BICD1: variants seen among roughly 807,000 people sequenced by gnomAD.
BICD1 encodes BICD cargo adaptor 1.
A neutral mutation model predicts 92.5 loss-of-function variants in BICD1; 35 were observed. The observed-to-expected ratio is 0.38, with a 90% confidence interval of 0.29 to 0.50. The LOEUF is 0.50. BICD1 is among the 20% of genes least tolerant of loss of function. The pLI is 0.93. For missense variants in BICD1, 950 were observed against 1,189.8 expected, an observed-to-expected ratio of 0.80 and a Z score of 2.97; for synonymous variants, 429 against 465.1, an observed-to-expected ratio of 0.92 and a Z score of 1.00.
intron 4 of BICD1, among the ~76,000 whole-genome samples, chr12:32,322,597 G>C (rs563853089): frequency 8.1e-4 from 124 of 152,324 alleles, no homozygotes; most frequent in Non-Finnish European, 1.5e-3. Flanking sequence ...GCCACAAACT[G>C]GTACTGGTCA....
chr12:32,246,198 A>T (rs972292339), intron 2 of BICD1, among the ~76,000 whole-genome samples: 3 of 150,782 alleles, frequency 2.0e-5, no homozygotes, highest in Non-Finnish European at 4.4e-5. Flanking sequence ...AATTATAGCC[A>T]GGTCCAGTGG....
In BICD1 at chr12:32,337,740, A is replaced by ATAGACAC; in HGVS notation, c.2496_2502dup (p.Tyr835ArgfsTer7). 1 of 1,614,180 alleles carries ATAGACAC rather than the reference A, an allele frequency of 6.2e-7. No individual in the cohort carries two copies. Among genetic ancestry groups the ATAGACAC allele is most frequent in the Non-Finnish European group, 8.5e-7 (1 of 1,180,032 alleles). Reference sequence around the variant, plus strand: ...GGAGGCATCAGTCACCGTGCCCACCATAGACACTTACCTCCTGCATAGTCA... The same window carrying ATAGACAC: ...GGAGGCATCAGTCACCGTGCCCACCATAGACACTAGACACTTACCTCCTGCATAGTCA... On this transcript the variant is annotated frameshift_variant, in exon 7 of 10. Transcript: ENST00000652176. LOFTEE classifies it high-confidence loss of function. The surrounding 1 kb of genome is among the most constrained non-coding windows in gnomAD (Gnocchi z 4.7).
chr12:32,357,011 G>GGT (rs1939139195), intron 8 of BICD1, among the ~76,000 whole-genome samples: 1 of 109,408 alleles, frequency 9.1e-6, no homozygotes, highest in Non-Finnish European at 2.0e-5. Flanking sequence ...AGATTCTCCT[G>GGT]CTTTTTTTTT....
chr12:32,118,102 G>A (rs1011193014), intron 1 of BICD1, among the ~76,000 whole-genome samples: 89 of 54,064 alleles, frequency 1.6e-3, no homozygotes, highest in Admixed American at 6.8e-3. Context: ...TTTTTTTTGA[G>A]ATGGAGTCTC....
chr12:32,344,313 A>C (rs1938488469), intron 8 of BICD1, among the ~76,000 whole-genome samples: 1 of 152,210 alleles, frequency 6.6e-6, no homozygotes, highest in Admixed American at 6.5e-5. Context: ...GCTCAGCACT[A>C]CAACCTGGTG....
At chr12:32,254,826 A>G (rs546419645) in intron 2 of BICD1, among the ~76,000 whole-genome samples, 2 of 152,240 alleles carry the variant, frequency 1.3e-5, no homozygotes, top group South Asian at 2.1e-4. Context: ...TTCCTTTACT[A>G]TTCTCCTTGT....
At chr12:32,131,156 A>T (rs1942532667) in intron 1 of BICD1, among the ~76,000 whole-genome samples, 3 of 152,164 alleles carry the variant, frequency 2.0e-5, no homozygotes, top group Non-Finnish European at 4.4e-5. Flanking sequence ...TTTAAATAAA[A>T]TCATATTTTA....
chr12:32,171,704 C>T (rs1277864758), intron 1 of BICD1, among the ~76,000 whole-genome samples: 4 of 152,030 alleles, frequency 2.6e-5, no homozygotes, highest in South Asian at 2.1e-4. Flanking sequence ...GAGGCCGAGG[C>T]GGATGGATCA....
intron 2 of BICD1, among the ~76,000 whole-genome samples, chr12:32,248,703 G>C (rs1164888744): frequency 2.0e-5 from 3 of 152,162 alleles, no homozygotes; most frequent in East Asian, 3.9e-4. Context: ...AGCTCAGCTA[G>C]GTTCAGGTTC....
rs1937661831 is a variant in BICD1, at chr12:32,328,448, A to G, written c.1993A>G (p.Lys665Glu). Reference sequence around the variant, plus strand: ...TCGGGAGCTAGCCCCCATGATTGATAAAGACAAGGAAGCCTTAATGGAAGA... The same window carrying G: ...TCGGGAGCTAGCCCCCATGATTGATGAAGACAAGGAAGCCTTAATGGAAGA... ...AARELAPMID[K>E]DKEALMEEIL... Residue 665 changes from lysine to glutamate, a missense_variant, in exon 5 of 10, where the codon AAA becomes GAA. This residue lies in a region of BICD1 where 309 missense variants were observed against 499.4 expected (regional missense o/e 0.62). Transcript: ENST00000652176. The surrounding 1 kb of genome is among the most constrained non-coding windows in gnomAD (Gnocchi z 4.4). 1 of 1,614,076 alleles carries G rather than the reference A, an allele frequency of 6.2e-7. No individual in the cohort carries two copies. The highest frequency in any genetic ancestry group is 8.5e-7 in the Non-Finnish European group (1 of 1,180,038).
Position 32,372,798 on chromosome 12 carries a change from G to C in BICD1, c.2841-4742G>C, listed in dbSNP as rs61927172. Among the ~76,000 whole-genome samples, 464 of 152,206 alleles carry C rather than the reference G, an allele frequency of 3.0e-3. 2 individuals are homozygous for C. Among genetic ancestry groups the C allele is most frequent in the Non-Finnish European group, 5.2e-3 (354 of 68,000 alleles). On this transcript the variant is annotated intron_variant, in intron 9 of 9. Transcript: ENST00000652176. ...AGGCTGCGGTGGGAGGATCGTTTCA[G>C]CCTAGGAGTTCAAGGCAGCAGTGAG...
chr12:32,284,958 C>T (rs1452811711), intron 2 of BICD1, among the ~76,000 whole-genome samples: 1 of 152,176 alleles, frequency 6.6e-6, no homozygotes, highest in Non-Finnish European at 1.5e-5. Context: ...TAGCTGTTTT[C>T]CAGATTTTTC....
intron 2 of BICD1, among the ~76,000 whole-genome samples, chr12:32,270,119 TA>T (rs34843444): frequency 0.45 from 58,692 of 129,026 alleles, 13,250 homozygotes; most frequent in East Asian, 0.53. Flanking sequence ...AGACTCCCTC[TA>T]AAAAAAAAAA....
intron 1 of BICD1, among the ~76,000 whole-genome samples, chr12:32,184,487 A>G (rs1273104350): frequency 1.3e-5 from 2 of 152,078 alleles, no homozygotes; most frequent in African/African-American, 2.4e-5. Flanking sequence ...GAGTTTCACC[A>G]TGTTGGCCAG....
chr12:32,270,828 T>C (rs1172461511), intron 2 of BICD1, among the ~76,000 whole-genome samples: 1 of 152,238 alleles, frequency 6.6e-6, no homozygotes, highest in Admixed American at 6.5e-5. Flanking sequence ...AAATACATCA[T>C]TGGCCTTTGT....
chr12:32,173,001 C>T (rs1943989547), intron 1 of BICD1, among the ~76,000 whole-genome samples: 1 of 152,164 alleles, frequency 6.6e-6, no homozygotes, highest in African/African-American at 2.4e-5. Flanking sequence ...GCTCAGCTCC[C>T]AGCTGACTGC....
chr12:32,371,049 T>C (rs1939721822), intron 9 of BICD1, among the ~76,000 whole-genome samples: 1 of 152,158 alleles, frequency 6.6e-6, no homozygotes, highest in Non-Finnish European at 1.5e-5. Context: ...TTGCTTGTTT[T>C]TTGAGAACCA....
intron 1 of BICD1, among the ~76,000 whole-genome samples, chr12:32,143,109 T>C (rs1224731499): frequency 1.3e-5 from 2 of 152,354 alleles, no homozygotes; most frequent in African/African-American, 4.8e-5. Flanking sequence ...CATATGTCTA[T>C]ATAACCTTTC....
intron 1 of BICD1, among the ~76,000 whole-genome samples, chr12:32,169,065 C>G (rs1449046605): frequency 6.6e-6 from 1 of 152,146 alleles, no homozygotes; most frequent in African/African-American, 2.4e-5. Context: ...TGCATGGAAT[C>G]TGCTCAGGAG....
Sources: allele counts gnomAD v4.1 joint callset (sites outside exome capture counted in the v4.1 genomes callset), GRCh38; gene constraint gnomAD v4.1.1; regional missense constraint gnomAD v4.1.1; non-coding constraint Gnocchi (gnomAD v3.1); transcripts MANE v1.5; gene names NCBI Gene and HGNC (gene_info 2026-07-23, HGNC 2026-07-21).